Variants in MACROD2 observed in about 807,000 individuals in gnomAD.
MACROD2 encodes ADP-ribose glycohydrolase MACROD2.
MACROD2 carries 36 observed loss-of-function variants against 70.4 expected under a neutral mutation model. The ratio of observed to expected loss-of-function variants is 0.51; its 90% CI spans 0.39 to 0.68. The LOEUF (loss-of-function observed/expected upper bound fraction) is 0.68, where lower values mean the gene tolerates loss of function less well. Among genes scored for constraint, MACROD2 ranks in the 30% least tolerant of loss-of-function variants. The probability of loss-of-function intolerance (pLI) is 0.00; values close to 1 mark genes in which losing one functional copy is unlikely to be tolerated. For synonymous variants in MACROD2, 172 were observed against 178.8 expected, an observed-to-expected ratio of 0.96 and a Z score of 0.30; for missense variants, 496 against 538.4, an observed-to-expected ratio of 0.92 and a Z score of 0.78.
chr20:14,157,341 AGTCAGGGT>A (rs2055116896), intron 3 of MACROD2, among the ~76,000 whole-genome samples: 1 of 152,184 alleles, frequency 6.6e-6, no homozygotes, highest in Admixed American at 6.5e-5. Context: ...GTAATGATCA[AGTCAGGGT>A]GTTTGGGGTA....
intron 6 of MACROD2, among the ~76,000 whole-genome samples, chr20:15,377,189 C>T (rs1458817130): frequency 6.6e-6 from 1 of 152,128 alleles, no homozygotes; most frequent in Non-Finnish European, 1.5e-5. Context: ...CACGTCAGGC[C>T]TCTATTCTTA....
chr20:14,624,987 C>A (rs1238609676), intron 4 of MACROD2, among the ~76,000 whole-genome samples: 1 of 152,066 alleles, frequency 6.6e-6, no homozygotes, highest in Non-Finnish European at 1.5e-5. Context: ...TACACAAATT[C>A]ATGGTTAATG....
intron 7 of MACROD2, among the ~76,000 whole-genome samples, chr20:15,476,768 C>A (rs1336136582): frequency 2.0e-5 from 3 of 152,160 alleles, no homozygotes; most frequent in African/African-American, 7.2e-5. Flanking sequence ...TGGAATCCTG[C>A]AGATAAAATG....
intron 8 of MACROD2, among the ~76,000 whole-genome samples, chr20:15,823,066 C>T (rs143154605): frequency 4.2e-4 from 64 of 152,296 alleles, no homozygotes; most frequent in African/African-American, 1.4e-3. Context: ...CATTCCTCTT[C>T]TAAATATATT....
rs547160210 is a variant in MACROD2, at chr20:15,429,827, T to C, written c.541-1578T>C. On this transcript the variant is annotated intron_variant, in intron 6 of 17. Coordinates refer to ENST00000684519, the MANE Select transcript of MACROD2 (RefSeq NM_001351661.2). Reference sequence around the variant, plus strand: ...GGGGTACAAGTGCACTGTTGTTACATGAATATACTGTGTAATGGTGAAGAC... The same window carrying C: ...GGGGTACAAGTGCACTGTTGTTACACGAATATACTGTGTAATGGTGAAGAC... 9.2e-5 allele frequency among the ~76,000 whole-genome samples: 14 copies of C among 152,232 alleles called. No individual in the cohort carries two copies. In the South Asian group the frequency reaches 2.9e-3, roughly 32 times the overall value.
At chr20:15,434,409 T>A (rs1156989716) in intron 7 of MACROD2, among the ~76,000 whole-genome samples, 1 of 143,044 alleles carries the variant, frequency 7.0e-6, no homozygotes, top group African/African-American at 3.0e-5. Flanking sequence ...CCAACAAACA[T>A]GTGAAAAAAT....
chr20:15,860,551 G>A (rs768197905), intron 8 of MACROD2, among the ~76,000 whole-genome samples: 2 of 152,018 alleles, frequency 1.3e-5, no homozygotes, highest in Non-Finnish European at 2.9e-5. Flanking sequence ...AGGCTGCACA[G>A]TCTTATTTTT....
At chr20:15,151,228 G>A (rs532280359) in intron 5 of MACROD2, among the ~76,000 whole-genome samples, 5 of 152,136 alleles carry the variant, frequency 3.3e-5, no homozygotes, top group South Asian at 2.1e-4. Context: ...GATGGGACGC[G>A]GCTTACGAGG....
chr20:14,153,465 G>A (rs2148712647), intron 3 of MACROD2, among the ~76,000 whole-genome samples: 1 of 152,284 alleles, frequency 6.6e-6, no homozygotes, highest in South Asian at 2.1e-4. Flanking sequence ...GGTCCTTGGG[G>A]CCTTCTGGGG....
intron 4 of MACROD2, among the ~76,000 whole-genome samples, chr20:14,603,009 A>C (rs550061014): frequency 6.6e-6 from 1 of 152,228 alleles, no homozygotes; most frequent in Non-Finnish European, 1.5e-5. Context: ...GGAGACAACA[A>C]ATATCACCAC....
chr20:15,947,409 G>A (rs145179259), intron 12 of MACROD2, among the ~76,000 whole-genome samples: 211 of 148,588 alleles, frequency 1.4e-3, no homozygotes, highest in African/African-American at 5.1e-3. Flanking sequence ...CTGGAGAATG[G>A]CAATGACTTT....
At chr20:15,091,744 A>AT (rs1601060644) in intron 5 of MACROD2, among the ~76,000 whole-genome samples, 1 of 152,088 alleles carries the variant, frequency 6.6e-6, no homozygotes, top group African/African-American at 2.4e-5. Flanking sequence ...CACAATATGC[A>AT]TTTTTTAATC....
At position 15,680,793 on chromosome 20, in the gene MACROD2, T is replaced by C. The variant is rs560593854; in HGVS notation, c.645+180946T>C. Among the ~76,000 whole-genome samples the C allele has an allele frequency of 3.3e-5, 5 of 152,248 alleles. No individual in the cohort carries two copies. The South Asian group carries it at 1.0e-3, about 32-fold the overall frequency. ...CATTTAAATGACTAGGGAGATAAGA[T>C]GAGTGATGATATCATAACAATAGAA... On this transcript the variant is annotated intron_variant, in intron 8 of 17. Transcript: ENST00000684519.
intron 4 of MACROD2, among the ~76,000 whole-genome samples, chr20:14,633,277 A>G (rs1424221338): frequency 6.6e-6 from 1 of 152,184 alleles, no homozygotes; most frequent in Admixed American, 6.5e-5. Context: ...TAATTTCCCC[A>G]TCTCAGAATT....
At chr20:14,091,686 C>T (rs552771736) in intron 3 of MACROD2, among the ~76,000 whole-genome samples, 1 of 151,812 alleles carries the variant, frequency 6.6e-6, no homozygotes, top group Non-Finnish European at 1.5e-5. Context: ...TTAAGGTTGC[C>T]TTTTTTCACT....
chr20:14,665,232 G>A (rs1425521588), intron 4 of MACROD2, among the ~76,000 whole-genome samples: 3 of 152,044 alleles, frequency 2.0e-5, no homozygotes, highest in Non-Finnish European at 2.9e-5. Context: ...AATGAAATAT[G>A]TAATAGAGTA....
intron 5 of MACROD2, among the ~76,000 whole-genome samples, chr20:14,962,433 C>T (rs2074591613): frequency 6.7e-6 from 1 of 150,160 alleles, no homozygotes; most frequent in Non-Finnish European, 1.5e-5. Context: ...CAAGTACACA[C>T]ACATATATAT....
intron 3 of MACROD2, among the ~76,000 whole-genome samples, chr20:14,411,083 G>A (rs1202033094): frequency 6.6e-6 from 1 of 152,192 alleles, no homozygotes; most frequent in African/African-American, 2.4e-5. Context: ...TGATCTTAAA[G>A]TGTTTGCTGA....
chr20:15,230,638 A>G (rs1391580264), intron 6 of MACROD2, among the ~76,000 whole-genome samples: 1 of 152,106 alleles, frequency 6.6e-6, no homozygotes, highest in Non-Finnish European at 1.5e-5. Context: ...TGGGTATACC[A>G]CAGCTCTTCT....
Sources: allele counts gnomAD v4.1 joint callset (sites outside exome capture counted in the v4.1 genomes callset), GRCh38; gene constraint gnomAD v4.1.1; transcripts MANE v1.5; gene names NCBI Gene and HGNC (gene_info 2026-07-23, HGNC 2026-07-21).